The following CNTN4 variants were observed in gnomAD, a reference collection of about 807,000 sequenced individuals.
The protein encoded by CNTN4 is contactin 4.
In CNTN4, 77 loss-of-function variants were observed where a neutral mutation model predicts 122.5. That is an observed-to-expected ratio of 0.63 (90% CI 0.52 to 0.76). CNTN4 has a LOEUF of 0.76. Among genes scored for constraint, CNTN4 ranks in the 30% least tolerant of loss-of-function variants. The probability of loss-of-function intolerance (pLI) is 0.00; values close to 1 mark genes in which losing one functional copy is unlikely to be tolerated. For synonymous variants in CNTN4, 512 were observed against 447.0 expected (o/e 1.15, Z -1.83); for missense variants, 1,256 against 1,259.1 (o/e 1.00, Z 0.04).
chr3:2,782,794 T>A (rs115437638), intron 6 of CNTN4, among the ~76,000 whole-genome samples: 2 of 152,168 alleles, frequency 1.3e-5, no homozygotes, highest in Admixed American at 1.3e-4. Context: ...AAAGAAGGCA[T>A]GTATCCTGGA....
chr3:2,281,021 C>T (rs79750004), intron 2 of CNTN4, among the ~76,000 whole-genome samples: 11,614 of 152,104 alleles, frequency 0.076, 639 homozygotes, highest in African/African-American at 0.16. Context: ...GTTTATGACA[C>T]GCTGATGGGA....
At chr3:2,652,427 A>G (rs2083403780) in intron 4 of CNTN4, among the ~76,000 whole-genome samples, 1 of 152,146 alleles carries the variant, frequency 6.6e-6, no homozygotes, top group Admixed American at 6.5e-5. Flanking sequence ...ATCTAAACAG[A>G]CACCTCTCTC....
chr3:2,318,547 C>G (rs563570871), intron 2 of CNTN4, among the ~76,000 whole-genome samples: 43 of 152,256 alleles, frequency 2.8e-4, no homozygotes, highest in Admixed American at 2.1e-3. Context: ...GTGAGAGCTG[C>G]AGGTATTTTA....
At chr3:2,680,025 A>T (rs2085080899) in intron 4 of CNTN4, among the ~76,000 whole-genome samples, 1 of 152,216 alleles carries the variant, frequency 6.6e-6, no homozygotes, top group African/African-American at 2.4e-5. Context: ...TTGACTTTTT[A>T]AAAAAGTATT....
In CNTN4 at chr3:2,398,069, C is replaced by T. The variant is rs554638678; in HGVS notation, c.-89+58836C>T. Among the ~76,000 whole-genome samples the T allele has an allele frequency of 2.1e-3, 324 of 152,144 alleles. 1 individual carries two copies. Among genetic ancestry groups the T allele is most frequent in the Middle Eastern group, 6.8e-3 (2 of 294 alleles). On this transcript the variant is annotated intron_variant, in intron 3 of 24. Coordinates refer to ENST00000418658, the MANE Select transcript of CNTN4 (RefSeq NM_175607.3). ...AAGAAACTGACAAATTAAAAATTTTCTCGAACTCTCTGTAAAGTTAAAATA... is the reference window on the plus strand; with the variant it reads ...AAGAAACTGACAAATTAAAAATTTTTTCGAACTCTCTGTAAAGTTAAAATA...
chr3:2,192,929 G>C (rs1359332634), intron 2 of CNTN4, among the ~76,000 whole-genome samples: 1 of 152,106 alleles, frequency 6.6e-6, no homozygotes, highest in Admixed American at 6.6e-5. Flanking sequence ...GTGTGATCCA[G>C]GCATATAATA....
chr3:2,564,853 CTT>C (rs1209737378), intron 3 of CNTN4, among the ~76,000 whole-genome samples: 1 of 152,098 alleles, frequency 6.6e-6, no homozygotes, highest in African/African-American at 2.4e-5. Flanking sequence ...CAATGAAAGA[CTT>C]TTCCAAATTA....
rs868370376 is a variant in CNTN4, at chr3:2,466,727, C to T, written c.-88-104689C>T. Among the ~76,000 whole-genome samples, 8 of 152,146 alleles carry T rather than the reference C, an allele frequency of 5.3e-5. No homozygotes were observed. The Middle Eastern group carries it at 0.017, about 326-fold the overall frequency. On this transcript the variant is annotated intron_variant, in intron 3 of 24. Coordinates refer to ENST00000418658, the MANE Select transcript of CNTN4 (RefSeq NM_175607.3). Reference sequence around the variant, plus strand: ...AAGCTGGATTGTTTTGATATATATTCTATTTCAAATTAAATTATTTAATAC... The same window carrying T: ...AAGCTGGATTGTTTTGATATATATTTTATTTCAAATTAAATTATTTAATAC...
rs148631293 is a variant in CNTN4 at position 2,410,587 on chromosome 3, T to C, written c.-89+71354T>C. 3.3e-5 allele frequency among the ~76,000 whole-genome samples: 5 copies of C among 152,326 alleles called. No homozygotes were observed. In the East Asian group the frequency reaches 9.6e-4, roughly 29 times the overall value. On this transcript the variant is annotated intron_variant, in intron 3 of 24. Coordinates refer to ENST00000418658, the MANE Select transcript of CNTN4 (RefSeq NM_175607.3). ...ATATTCTGTCTCATAACCTCATATA[T>C]TGTATAGCCCATTTCATTGCTGGTG...
chr3:2,182,397 T>C (rs577896613), intron 2 of CNTN4, among the ~76,000 whole-genome samples: 1 of 152,250 alleles, frequency 6.6e-6, no homozygotes, highest in South Asian at 2.1e-4. Context: ...TTGATTATTT[T>C]TAATAAAGTC....
chr3:2,520,795 T>C (rs1242514612), intron 3 of CNTN4, among the ~76,000 whole-genome samples: 3 of 152,110 alleles, frequency 2.0e-5, no homozygotes, highest in Admixed American at 6.6e-5. Flanking sequence ...ACAGTCATTT[T>C]TCTTGCGTAC....
intron 7 of CNTN4, among the ~76,000 whole-genome samples, chr3:2,855,654 A>T (rs892188309): frequency 2.0e-5 from 3 of 152,118 alleles, no homozygotes; most frequent in Non-Finnish European, 2.9e-5. Flanking sequence ...CTGTGATCTG[A>T]CCTGTGTCCA....
At chr3:2,234,041 T>C (rs2039587717) in intron 2 of CNTN4, among the ~76,000 whole-genome samples, 1 of 152,180 alleles carries the variant, frequency 6.6e-6, no homozygotes, top group African/African-American at 2.4e-5. Context: ...AATTTTTCCT[T>C]GTTTTCAGCT....
intron 2 of CNTN4, among the ~76,000 whole-genome samples, chr3:2,206,661 C>T (rs979973915): frequency 2.0e-5 from 3 of 151,622 alleles, no homozygotes; most frequent in Non-Finnish European, 4.4e-5. Context: ...GAGACTGACT[C>T]GAGTAATGAA....
chr3:2,396,656 G>GTTTTTTTTT (rs752074730), intron 3 of CNTN4, among the ~76,000 whole-genome samples: 3 of 145,106 alleles, frequency 2.1e-5, no homozygotes, highest in Non-Finnish European at 3.0e-5. Context: ...TTATGTCTGG[G>GTTTTTTTTT]TTTTTTTTTT....
intron 3 of CNTN4, among the ~76,000 whole-genome samples, chr3:2,384,754 A>ATG (rs551578723): frequency 6.9e-4 from 93 of 135,504 alleles, no homozygotes; most frequent in South Asian, 4.5e-3. Context: ...TAACAACTCA[A>ATG]TGTGTGCGTG....
chr3:2,806,318 T>C (rs760246334), intron 6 of CNTN4, among the ~76,000 whole-genome samples: 15 of 152,228 alleles, frequency 9.9e-5, no homozygotes, highest in Non-Finnish European at 2.1e-4. Context: ...ATATCTGGAT[T>C]GTAAACGTCT....
intron 13 of CNTN4, among the ~76,000 whole-genome samples, chr3:2,953,993 C>A (rs2094773175): frequency 6.6e-6 from 1 of 152,152 alleles, no homozygotes; most frequent in South Asian, 2.1e-4. Flanking sequence ...TAGGAATCAC[C>A]TTTTGGTTTT....
chr3:2,144,249 CT>C (rs1388462288), intron 2 of CNTN4: 2 of 152,124 alleles, frequency 1.3e-5, no homozygotes, highest in Admixed American at 1.3e-4. Context: ...CATATCAGGC[CT>C]GGGGATTTTT....
Sources: allele counts gnomAD v4.1 joint callset (sites outside exome capture counted in the v4.1 genomes callset), GRCh38; gene constraint gnomAD v4.1.1; transcripts MANE v1.5; gene names NCBI Gene and HGNC (gene_info 2026-07-23, HGNC 2026-07-21).